DST: variants seen among roughly 807,000 people sequenced by gnomAD.
DST encodes the protein dystonin, also known as bullous pemphigoid antigen.
In DST, 253 loss-of-function variants were observed where a neutral mutation model predicts 875.2. The ratio of observed to expected loss-of-function variants is 0.29; its 90% CI spans 0.26 to 0.32. The LOEUF (loss-of-function observed/expected upper bound fraction) is 0.32. Among genes scored for constraint, DST ranks in the 10% least tolerant of loss-of-function variants. The pLI, the probability that DST is intolerant of heterozygous loss-of-function variation, is 1.00. For synonymous variants in DST, 3,124 were observed against 3,197.1 expected (o/e 0.98, Z 0.77); for missense variants, 8,287 against 9,111.6 (o/e 0.91, Z 3.68).
chr6:56,615,553 C>T, intron 36 of DST: 1 of 1,614,112 alleles, frequency 6.2e-7, no homozygotes, highest in Non-Finnish European at 8.5e-7. Flanking sequence ...TTCCTGTCAT[C>T]AGGGGCTCAG....
chr6:56,752,204 A>C (rs113797163), intron 4 of DST, among the ~76,000 whole-genome samples: 2,002 of 152,216 alleles, frequency 0.013, 42 homozygotes, highest in African/African-American at 0.046. Context: ...ACAAAAAGGC[A>C]TCATGAGTCA....
intron 50 of DST, among the ~76,000 whole-genome samples, chr6:56,575,502 A>G (rs2097850912): frequency 6.6e-6 from 1 of 152,172 alleles, no homozygotes; most frequent in African/African-American, 2.4e-5. Context: ...TGACCTGTTC[A>G]GCCATAATAA....
In DST at chr6:56,845,285, G is replaced by C. The variant is rs150180772; in HGVS notation, c.625+6112C>G. Among the ~76,000 whole-genome samples the C allele has an allele frequency of 2.3e-3, 346 of 151,804 alleles. 1 individual carries two copies. Among genetic ancestry groups the C allele is most frequent in the South Asian group, 0.011 (54 of 4,808 alleles). ...GCCCTCCATGATTTTTTATTTCTTT[G>C]TTAGCGTTGGGTGTTGTGAACTATG... is the stretch of plus-strand genomic sequence containing the variant. On this transcript the variant is annotated intron_variant, in intron 4 of 103. Coordinates refer to ENST00000680361, the MANE Select transcript of DST (RefSeq NM_001374736.1).
intron 36 of DST, among the ~76,000 whole-genome samples, chr6:56,621,953 C>T (rs1487026291): frequency 1.3e-5 from 2 of 152,144 alleles, no homozygotes; most frequent in Non-Finnish European, 2.9e-5. Flanking sequence ...TCTTTGCTAA[C>T]CTAAATAAGG....
At chr6:56,492,204 G>T (rs772996523) in intron 85 of DST, 23 bp downstream of exon 85, 4 of 1,604,394 alleles carry the variant, frequency 2.5e-6, no homozygotes, top group Non-Finnish European at 2.6e-6. Context: ...CAAGTTCAGA[G>T]AATTTTTCTA....
intron 4 of DST, among the ~76,000 whole-genome samples, chr6:56,786,283 G>C (rs1310729558): frequency 6.6e-6 from 1 of 152,150 alleles, no homozygotes; most frequent in Non-Finnish European, 1.5e-5. Flanking sequence ...CCATTTCTTA[G>C]ATAGACATCC....
chr6:56,702,352 T>C (rs1378191630), intron 7 of DST, among the ~76,000 whole-genome samples: 1 of 151,878 alleles, frequency 6.6e-6, no homozygotes, highest in Non-Finnish European at 1.5e-5. Context: ...TTGAACACTA[T>C]TAGCAAGAGG....
At chr6:56,820,353 G>A (rs565491202) in intron 4 of DST, among the ~76,000 whole-genome samples, 23 of 152,228 alleles carry the variant, frequency 1.5e-4, no homozygotes, top group Admixed American at 7.8e-4. Flanking sequence ...ACTTGAGAGT[G>A]GACTGTTGAA....
intron 4 of DST, among the ~76,000 whole-genome samples, chr6:56,796,778 G>C (rs2099740352): frequency 6.6e-6 from 1 of 151,848 alleles, no homozygotes; most frequent in Non-Finnish European, 1.5e-5. Context: ...CAAGGAAGGA[G>C]GGAGAGAAGG....
chr6:56,749,756 T>A (rs924031527), intron 4 of DST, among the ~76,000 whole-genome samples: 1 of 152,054 alleles, frequency 6.6e-6, no homozygotes, highest in Non-Finnish European at 1.5e-5. Context: ...ACAGAGTGAG[T>A]CATCAGCAGG....
chr6:56,870,431 C>CAAAA lies in DST; in HGVS notation c.418-18831_418-18828dup, dbSNP rs34119606. 6.6e-4 allele frequency among the ~76,000 whole-genome samples: 34 copies of CAAAA among 51,328 alleles called. 1 individual carries two copies. Among genetic ancestry groups the CAAAA allele is most frequent in the African/African-American group, 1.7e-3 (26 of 14,920 alleles). The allele number at this position is 51,328 out of a possible 152,430, so 33.7% of individuals were successfully genotyped here. ...TTCACTCTATTAAATCTTGCAACTGCAAAAAAAAAAAAAAAAAAAAAAAGA... is the reference window on the plus strand; with the variant it reads ...TTCACTCTATTAAATCTTGCAACTGCAAAAAAAAAAAAAAAAAAAAAAAAAAAGA... On this transcript the variant is annotated intron_variant, in intron 3 of 103. Coordinates refer to ENST00000680361, the MANE Select transcript of DST (RefSeq NM_001374736.1).
chr6:56,765,078 C>T (rs1489911869), intron 4 of DST, among the ~76,000 whole-genome samples: 1 of 151,868 alleles, frequency 6.6e-6, no homozygotes, highest in Non-Finnish European at 1.5e-5. Flanking sequence ...ACTTGCTAGC[C>T]GTAAGAGTAG....
intron 55 of DST, among the ~76,000 whole-genome samples, chr6:56,562,810 C>T (rs1260173207): frequency 6.7e-6 from 1 of 150,112 alleles, no homozygotes; most frequent in African/African-American, 2.4e-5. Context: ...CATTGTTTAA[C>T]TCCCACTTAT....
At chr6:56,517,457 A>C (rs1292468444) in intron 70 of DST, 44 bp downstream of exon 70, 2 of 1,604,174 alleles carry the variant, frequency 1.2e-6, no homozygotes, top group African/African-American at 1.3e-5. Context: ...GTTGGAGCAC[A>C]CCAGCAAATA....
intron 5 of DST, among the ~76,000 whole-genome samples, chr6:56,705,958 T>C (rs1266343391): frequency 6.6e-6 from 1 of 152,166 alleles, no homozygotes; most frequent in African/African-American, 2.4e-5. Flanking sequence ...AGTTTAAAAA[T>C]ACTTTATTTA....
chr6:56,740,027 A>T (rs2099540985), intron 4 of DST, among the ~76,000 whole-genome samples: 1 of 152,036 alleles, frequency 6.6e-6, no homozygotes, highest in South Asian at 2.1e-4. Flanking sequence ...ACACCTGGCT[A>T]ATGTTTGTAT....
rs911141337 is a variant in DST at position 56,501,156 on chromosome 6, G to T, written c.19820C>A (p.Thr6607Asn). ...TTTCTGCTCACTTAGCAAGCCCTCG[G>T]TGTGTGTCAGCCATGCCAGGAGCTC... ...LDELLAWLTH[T>N]EGLLSEQKPV... Residue 6607 changes from threonine to asparagine, a missense_variant, in exon 80 of 104, where the codon ACC becomes AAC. Thr to Asn is a moderately conservative substitution (Grantham distance 65). Transcript: ENST00000680361. The T allele has an allele frequency of 5.0e-6, 8 of 1,612,704 alleles. No homozygotes were observed. Among genetic ancestry groups the T allele is most frequent in the Non-Finnish European group, 6.8e-6 (8 of 1,179,236 alleles).
At chr6:56,768,445 G>C (rs1007163285) in intron 4 of DST, among the ~76,000 whole-genome samples, 1 of 152,148 alleles carries the variant, frequency 6.6e-6, no homozygotes, top group South Asian at 2.1e-4. Flanking sequence ...ACAGAGAATG[G>C]ATAATCTTTT....
intron 61 of DST, among the ~76,000 whole-genome samples, chr6:56,537,359 A>C (rs938670562): frequency 2.0e-5 from 3 of 152,334 alleles, no homozygotes; most frequent in South Asian, 2.1e-4. Flanking sequence ...AGGCAATCCT[A>C]ATAGGCTCTC....
Sources: allele counts gnomAD v4.1 joint callset (sites outside exome capture counted in the v4.1 genomes callset), GRCh38; gene constraint gnomAD v4.1.1; transcripts MANE v1.5; gene names NCBI Gene and HGNC (gene_info 2026-07-23, HGNC 2026-07-21).